The following ABCA13 variants were observed in gnomAD, a reference collection of about 807,000 sequenced individuals.
The protein encoded by ABCA13 is ATP binding cassette subfamily A member 13.
In ABCA13, 476 loss-of-function variants were observed where a neutral mutation model predicts 478.7. The observed-to-expected ratio is 0.99, with a 90% CI of 0.92 to 1.07. The LOEUF (loss-of-function observed/expected upper bound fraction) is 1.07, where lower values mean the gene tolerates loss of function less well. Ranked by LOEUF, ABCA13 falls within the 50% of genes least tolerant of loss-of-function variation. The pLI, the probability that ABCA13 is intolerant of heterozygous loss-of-function variation, is 0.00. For missense variants in ABCA13, 6,060 were observed against 5,910.6 expected (o/e 1.03, Z -0.83); for synonymous variants, 2,252 against 2,158.9 (o/e 1.04, Z -1.20).
intron 51 of ABCA13, among the ~76,000 whole-genome samples, chr7:48,516,360 A>G (rs1180871453): frequency 6.6e-6 from 1 of 152,116 alleles, no homozygotes; most frequent in Non-Finnish European, 1.5e-5. Flanking sequence ...TTTGTCCTGC[A>G]TATCCTCACT....
rs185545720 is a variant in ABCA13, at chr7:48,420,296, T to C, written c.12460-7470T>C. On this transcript the variant is annotated intron_variant, in intron 41 of 61. Transcript: ENST00000435803. Reference sequence around the variant, plus strand: ...AAGATTTAAAATGAAATCATGATAGTCACCAGTTTCATTAAGGCATCTGTA... The same window carrying C: ...AAGATTTAAAATGAAATCATGATAGCCACCAGTTTCATTAAGGCATCTGTA... Among the ~76,000 whole-genome samples the C allele has an allele frequency of 6.6e-5, 10 of 152,324 alleles. 1 individual carries two copies. Among genetic ancestry groups the C allele is most frequent in the African/African-American group, 2.4e-4 (10 of 41,574 alleles).
chr7:48,486,583 G>A (rs1023213376), intron 47 of ABCA13, among the ~76,000 whole-genome samples: 5 of 151,990 alleles, frequency 3.3e-5, no homozygotes, highest in Admixed American at 6.6e-5. Context: ...AACTATTTTC[G>A]GTTTTTGGTA....
rs76136030 is a variant in ABCA13 at position 48,419,234 on chromosome 7, C to T, written c.12459+6651C>T. Among the ~76,000 whole-genome samples the T allele has an allele frequency of 8.5e-3, 1,299 of 152,288 alleles. 13 individuals carry two copies. Among genetic ancestry groups the T allele is most frequent in the African/African-American group, 0.028 (1,180 of 41,552 alleles). ...GCAATTTGACATGAGATTTGGGTGA[C>T]GACACAGATCCAAACCATATTATGC... On this transcript the variant is annotated intron_variant, in intron 41 of 61. Transcript: ENST00000435803.
chr7:48,501,323 G>A (rs899031435), intron 48 of ABCA13, among the ~76,000 whole-genome samples: 1 of 152,110 alleles, frequency 6.6e-6, no homozygotes, highest in African/African-American at 2.4e-5. Context: ...AAAAACATGG[G>A]AATGTTAAGC....
At position 48,403,880 on chromosome 7, in the gene ABCA13, G is replaced by A; in HGVS notation, c.12070+1G>A. On this transcript the variant is annotated splice_donor_variant, in intron 39 of 61. Transcript: ENST00000435803. LOFTEE classifies it high-confidence loss of function. ...GACATTCTGCTCAAGTACCGAGAAG[G>A]TAGGCACTGGGCCTCATTCTGCCTT... 1 of 1,612,000 alleles carries A rather than the reference G, an allele frequency of 6.2e-7. No homozygotes were observed. The highest frequency in any genetic ancestry group is 8.5e-7 in the Non-Finnish European group (1 of 1,179,048).
rs868089045 is a variant in ABCA13, at chr7:48,454,585, G to C, written c.12566-452G>C. ...GGGGAAGTGGAAGGCGCCGGGAGGA[G>C]CGGGGGCGGGGTGCAGGGACGGTGG... On this transcript the variant is annotated intron_variant, in intron 42 of 61. Coordinates refer to ENST00000435803, the MANE Select transcript of ABCA13 (RefSeq NM_152701.5). Among the ~76,000 whole-genome samples the C allele has an allele frequency of 7.8e-4, 119 of 152,046 alleles. No individual in the cohort carries two copies. In the Middle Eastern group the frequency reaches 0.01, roughly 13 times the overall value.
rs1172641689 is a variant in ABCA13, at chr7:48,350,749, G to A, written c.10311G>A (p.Gln3437=). ...CCTGCGTGGCACTGAACCGTTTCCA[G>A]GCTCTGCAGTCTGTCGACATCCTGG... is the stretch of plus-strand genomic sequence containing the variant. The part of the protein sequence containing the change: ...LSSCVALNRF[Q]ALQSVDILET... The change falls in exon 30 of 62, where the codon CAG becomes CAA. Residue 3437 remains glutamine, a synonymous_variant. Coordinates refer to ENST00000435803, the MANE Select transcript of ABCA13 (RefSeq NM_152701.5). 3 of 1,613,942 alleles carry A rather than the reference G, an allele frequency of 1.9e-6. No individual in the cohort carries two copies.
intron 13 of ABCA13, among the ~76,000 whole-genome samples, chr7:48,247,473 G>A (rs761882248): frequency 2.0e-5 from 3 of 152,048 alleles, no homozygotes; most frequent in African/African-American, 7.2e-5. Context: ...TGATGCCTAC[G>A]ATACGTATCA....
chr7:48,257,290 A>G (rs1045564379), intron 15 of ABCA13, among the ~76,000 whole-genome samples: 1 of 151,798 alleles, frequency 6.6e-6, no homozygotes, highest in Admixed American at 6.6e-5. Context: ...GCTGCCTTTT[A>G]TTTCTTTCTC....
Position 48,276,314 on chromosome 7 carries a change from A to C in ABCA13, c.6648A>C (p.Leu2216Phe), listed in dbSNP as rs1413189157. The change falls in exon 17 of 62, where the codon TTA (leucine) becomes TTC (phenylalanine). Residue 2216 changes from leucine (L) to phenylalanine (F), a missense_variant. By Grantham distance (22) the Leu-to-Phe change is conservative. Coordinates refer to ENST00000435803, the MANE Select transcript of ABCA13 (RefSeq NM_152701.5). ...ENILINLINN[L>F]AGNSQEAAWN... is the part of the protein sequence containing the mutation. ...TCCTAATTAATTTGATCAATAACTT[A>C]GCTGGGAATTCTCAGGAAGCAGCTT... The C allele has an allele frequency of 1.3e-6, 2 of 1,554,628 alleles. No individual in the cohort carries two copies. Among genetic ancestry groups the C allele is most frequent in the South Asian group, 1.2e-5 (1 of 83,020 alleles).
At chr7:48,311,632 GT>G (rs1307428936) in intron 24 of ABCA13, among the ~76,000 whole-genome samples, 1 of 152,220 alleles carries the variant, frequency 6.6e-6, no homozygotes, top group Non-Finnish European at 1.5e-5. Flanking sequence ...GGATAAGATA[GT>G]GGGTTGGATT....
intron 1 of ABCA13, among the ~76,000 whole-genome samples, chr7:48,183,337 T>C (rs1456720740): frequency 6.6e-6 from 1 of 152,212 alleles, no homozygotes; most frequent in African/African-American, 2.4e-5. Flanking sequence ...TCAAGACAGA[T>C]GGAAAATTAC....
chr7:48,193,153 A>G, intron 2 of ABCA13, 101 bp downstream of exon 2: 1 of 799,870 alleles, frequency 1.3e-6, no homozygotes, highest in Non-Finnish European at 2.0e-6. Flanking sequence ...GCTGAGTGAA[A>G]TGAATAGATA....
chr7:48,298,220 T>C, intron 22 of ABCA13, 146 bp from the exon 23 acceptor site: 1 of 685,206 alleles, frequency 1.5e-6, no homozygotes, highest in Non-Finnish European at 2.3e-6. Flanking sequence ...CCCAGGGGAG[T>C]AAGGTATGAC....
intron 55 of ABCA13, among the ~76,000 whole-genome samples, chr7:48,573,560 A>G (rs1787884571): frequency 6.6e-6 from 1 of 152,016 alleles, no homozygotes; most frequent in Admixed American, 6.6e-5. Context: ...AAACAAAACA[A>G]CAACAGCAAC....
chr7:48,641,394 A>T (rs1474353492), intron 59 of ABCA13, among the ~76,000 whole-genome samples: 1 of 152,226 alleles, frequency 6.6e-6, no homozygotes. Flanking sequence ...TTCTGAATAG[A>T]TCCTAAATTT....
chr7:48,200,464 GAAATT>G, intron 3 of ABCA13, among the ~76,000 whole-genome samples: 1 of 152,170 alleles, frequency 6.6e-6, no homozygotes. Flanking sequence ...TCAATGTGCA[GAAATT>G]CAGGGGTTAT....
At chr7:48,298,311 T>G (rs1033004475) in intron 22 of ABCA13, 55 bp from the exon 23 acceptor site, 52 of 1,499,900 alleles carry the variant, frequency 3.5e-5, no homozygotes, top group Non-Finnish European at 4.5e-5. Flanking sequence ...GTTTTCGCAG[T>G]CAGTAATGAT....
At chr7:48,633,955 G>C (rs546153416) in intron 59 of ABCA13, among the ~76,000 whole-genome samples, 8 of 151,994 alleles carry the variant, frequency 5.3e-5, no homozygotes, top group South Asian at 2.1e-4. Flanking sequence ...TAGATAGATA[G>C]ATAGATAGAT....
Sources: allele counts gnomAD v4.1 joint callset (sites outside exome capture counted in the v4.1 genomes callset), GRCh38; gene constraint gnomAD v4.1.1; transcripts MANE v1.5; gene names NCBI Gene and HGNC (gene_info 2026-07-23, HGNC 2026-07-21).